The following RAB40B variants were observed in gnomAD, a reference collection of about 807,000 sequenced individuals.
RAB40B encodes the protein RAB40B, member RAS oncogene family.
In RAB40B, 21 loss-of-function variants were observed where a neutral mutation model predicts 24.0. That is an observed-to-expected ratio of 0.88 (90% confidence interval 0.62 to 1.26). The LOEUF (loss-of-function observed/expected upper bound fraction) is 1.26. Among genes scored for constraint, RAB40B ranks in the 50% most tolerant of loss-of-function variants. The pLI is 0.00. For missense variants in RAB40B, 348 were observed against 390.5 expected (o/e 0.89, Z 0.92); for synonymous variants, 167 against 169.8 (o/e 0.98, Z 0.13).
intron 1 of RAB40B, among the ~76,000 whole-genome samples, chr17:82,695,584 CCTATAAT>C (rs2143565377): frequency 6.7e-6 from 1 of 150,284 alleles, no homozygotes; most frequent in Admixed American, 6.6e-5. Flanking sequence ...GTGGCTCAGG[CCTATAAT>C]CTCAGCATTT....
rs948409454 is a variant in RAB40B, at chr17:82,689,326, T to G, written c.142+9129A>C. ...ACGGTGGTGCCTGGTGCCAGGCTGG[T>G]GGACAGGCTGGTGACAGGGGACTCA... is the stretch of plus-strand genomic sequence containing the variant. On this transcript the variant is annotated intron_variant, in intron 1 of 5. Transcript: ENST00000571995. Among the ~76,000 whole-genome samples the G allele has an allele frequency of 4.6e-5, 7 of 152,164 alleles. No homozygotes were observed. The East Asian group carries it at 1.4e-3, about 29-fold the overall frequency.
chr17:82,688,632 TAAAC>T (rs2046526400), intron 1 of RAB40B, among the ~76,000 whole-genome samples: 1 of 147,422 alleles, frequency 6.8e-6, no homozygotes, highest in Non-Finnish European at 1.5e-5. Flanking sequence ...CATAAATAAA[TAAAC>T]AAATAGTTTT....
At chr17:82,698,071 G>A (rs1032208545) in intron 1 of RAB40B, among the ~76,000 whole-genome samples, 1 of 150,716 alleles carries the variant, frequency 6.6e-6, no homozygotes, top group Non-Finnish European at 1.5e-5. Flanking sequence ...TCGAGCCCCC[G>A]CCCCGGGTCC....
intron 2 of RAB40B, chr17:82,662,811 C>T (rs1248380773): frequency 7.1e-6 from 7 of 985,250 alleles, no homozygotes; most frequent in East Asian, 1.1e-4. Context: ...GTCAGGGAGG[C>T]GTTCGCTAAG....
intron 1 of RAB40B, 82 bp from the exon 2 acceptor site, chr17:82,664,638 G>A: frequency 2.2e-6 from 3 of 1,370,460 alleles, no homozygotes; most frequent in South Asian, 1.2e-5. Context: ...GAAGAAAAGG[G>A]TTTCTCATCA....
chr17:82,684,911 C>T (rs905843031), intron 1 of RAB40B, among the ~76,000 whole-genome samples: 9 of 151,862 alleles, frequency 5.9e-5, no homozygotes, highest in African/African-American at 1.5e-4. Context: ...GTCAGGAGTT[C>T]GAGACCAGCC....
At chr17:82,661,225 AT>A in intron 2 of RAB40B, 178 bp from the exon 3 acceptor site, 2 of 1,379,458 alleles carry the variant, frequency 1.4e-6, no homozygotes, top group South Asian at 3.9e-5. Context: ...GGGTGTTGGG[AT>A]GTCCTCCCAG....
rs2046566028 is a variant in RAB40B at position 82,692,248 on chromosome 17, A to G, written c.142+6207T>C. Among the ~76,000 whole-genome samples the G allele has an allele frequency of 6.6e-6, 1 of 151,410 alleles. No individual in the cohort carries two copies. The highest frequency in any genetic ancestry group is 2.0e-4 in the East Asian group (1 of 5,118). On this transcript the variant is annotated intron_variant, in intron 1 of 5. Transcript: ENST00000571995. The surrounding 1 kb of genome is among the most constrained non-coding windows in gnomAD (Gnocchi z 4.0). ...CCCGCACGGTCCGTGGGCTGAGGTG[A>G]CAGGCAGAGCAGTGGGGTCCACATA...
At chr17:82,660,289 TACAC>T (rs538349853) in intron 3 of RAB40B, among the ~76,000 whole-genome samples, 22 of 147,104 alleles carry the variant, frequency 1.5e-4, no homozygotes, top group East Asian at 1.2e-3. Flanking sequence ...ACGTACACAT[TACAC>T]ACACAAGCAG....
intron 3 of RAB40B, among the ~76,000 whole-genome samples, chr17:82,660,095 T>G (rs2046144259): frequency 6.6e-6 from 1 of 151,530 alleles, no homozygotes; most frequent in Admixed American, 6.6e-5. Flanking sequence ...CAGGCACTCA[T>G]GCACAGACAC....
Position 82,697,479 on chromosome 17 carries a change from G to A in RAB40B, c.142+976C>T, listed in dbSNP as rs74002940. Among the ~76,000 whole-genome samples the A allele has an allele frequency of 5.6e-3, 845 of 152,056 alleles. 4 individuals carry two copies. The highest frequency in any genetic ancestry group is 0.019 in the African/African-American group (782 of 41,476). ...TCTCCACGCCCGGCTGCCCTCCTCC[G>A]CCCAGGACTCAGAGCGGGTCTCTGT... On this transcript the variant is annotated intron_variant, in intron 1 of 5. Coordinates refer to ENST00000571995, the MANE Select transcript of RAB40B (RefSeq NM_006822.3). The surrounding 1 kb of genome is among the most constrained non-coding windows in gnomAD (Gnocchi z 4.9).
In RAB40B at chr17:82,667,093, T is replaced by G. The variant is rs991057537; in HGVS notation, c.143-2537A>C. Among the ~76,000 whole-genome samples, 1 of 152,216 alleles carries G rather than the reference T, an allele frequency of 6.6e-6. No homozygotes were observed. Among genetic ancestry groups the G allele is most frequent in the African/African-American group, 2.4e-5 (1 of 41,444 alleles). On this transcript the variant is annotated intron_variant, in intron 1 of 5. Coordinates refer to ENST00000571995, the MANE Select transcript of RAB40B (RefSeq NM_006822.3). This position sits in a 1 kb window ranked among gnomAD's most constrained non-coding sequence, Gnocchi z 4.3. Reference sequence around the variant, plus strand: ...GCTCTCCTTCCAGAGAAGCCCACGATGTAGCCAGTGAGTGCCCAGAAACAG... The same window carrying G: ...GCTCTCCTTCCAGAGAAGCCCACGAGGTAGCCAGTGAGTGCCCAGAAACAG...
chr17:82,694,993 G>T (rs2046594061), intron 1 of RAB40B, among the ~76,000 whole-genome samples: 2 of 151,672 alleles, frequency 1.3e-5, no homozygotes, highest in African/African-American at 4.9e-5. Flanking sequence ...AATGGTAAAA[G>T]GACTTTGGTG....
chr17:82,695,288 T>C (rs2046597637), intron 1 of RAB40B, among the ~76,000 whole-genome samples: 2 of 150,760 alleles, frequency 1.3e-5, no homozygotes, highest in East Asian at 3.9e-4. Context: ...ACCTCCTGGG[T>C]TCCAGCGATT....
intron 1 of RAB40B, among the ~76,000 whole-genome samples, chr17:82,666,587 T>TC (rs758157361): frequency 1.4e-4 from 20 of 145,252 alleles, no homozygotes; most frequent in Middle Eastern, 3.4e-3. Context: ...CCCGCCCCCA[T>TC]CACCCCCCAG....
At position 82,697,351 on chromosome 17, in the gene RAB40B, C is replaced by G. The variant is rs1363273963; in HGVS notation, c.142+1104G>C. 1.3e-5 allele frequency among the ~76,000 whole-genome samples: 2 copies of G among 152,158 alleles called. No individual in the cohort carries two copies. Among genetic ancestry groups the G allele is most frequent in the Non-Finnish European group, 1.5e-5 (1 of 68,022 alleles). ...AGCAGCCTCAGATCCCGCTTCCTCCCACCCTCTCCCGCTAAGTTCGTCTCT... is the reference window on the plus strand; with the variant it reads ...AGCAGCCTCAGATCCCGCTTCCTCCGACCCTCTCCCGCTAAGTTCGTCTCT... On this transcript the variant is annotated intron_variant, in intron 1 of 5. Transcript: ENST00000571995. The surrounding 1 kb of genome is among the most constrained non-coding windows in gnomAD (Gnocchi z 4.9).
rs762222809 is a variant in RAB40B, at chr17:82,661,009, C to T, written c.242G>A (p.Arg81His). The part of the protein sequence containing the change: ...SGQGRFCTIF[R>H]SYSRGAQGVI... Reference sequence around the variant, plus strand: ...TACCTGTGCGCCCCGGGAGTAGGAGCGGAATATGGTACAAAATCTTCCCTG... The same window carrying T: ...TACCTGTGCGCCCCGGGAGTAGGAGTGGAATATGGTACAAAATCTTCCCTG... The change falls in exon 3 of 6, where the codon CGC becomes CAC. Residue 81 changes from arginine (R) to histidine (H), a missense_variant. This residue lies in a region of RAB40B where 126 missense variants were observed against 181.0 expected (regional missense o/e 0.70). Coordinates refer to ENST00000571995, the MANE Select transcript of RAB40B (RefSeq NM_006822.3). 1.9e-6 allele frequency: 3 copies of T among 1,614,010 alleles called. No individual in the cohort carries two copies. Among genetic ancestry groups the T allele is most frequent in the Non-Finnish European group, 1.7e-6 (2 of 1,179,958 alleles).
At chr17:82,686,056 C>A (rs2046497134) in intron 1 of RAB40B, among the ~76,000 whole-genome samples, 1 of 151,428 alleles carries the variant, frequency 6.6e-6, no homozygotes, top group Non-Finnish European at 1.5e-5. Context: ...CCCGCCTTGG[C>A]CTCCCAAAGT....
At chr17:82,662,815 C>T (rs1020932687) in intron 2 of RAB40B, 13 of 985,284 alleles carry the variant, frequency 1.3e-5, no homozygotes, top group South Asian at 4.7e-5. Context: ...GGGAGGCGTT[C>T]GCTAAGGTGA....
Sources: allele counts gnomAD v4.1 joint callset (sites outside exome capture counted in the v4.1 genomes callset), GRCh38; gene constraint gnomAD v4.1.1; regional missense constraint gnomAD v4.1.1; non-coding constraint Gnocchi (gnomAD v3.1); transcripts MANE v1.5; gene names NCBI Gene and HGNC (gene_info 2026-07-23, HGNC 2026-07-21).